The following AGBL1 variants were observed in gnomAD, a reference collection of about 807,000 sequenced individuals.
AGBL1 encodes the protein cytosolic carboxypeptidase 4.
AGBL1 carries 130 observed loss-of-function variants against 118.9 expected under a neutral mutation model. The ratio of observed to expected loss-of-function variants is 1.09; its 90% CI spans 0.95 to 1.26. The LOEUF (loss-of-function observed/expected upper bound fraction) is 1.26. AGBL1 is among the 50% of genes most tolerant of loss of function. The pLI, the probability that AGBL1 is intolerant of heterozygous loss-of-function variation, is 0.00. For missense variants in AGBL1, 1,584 were observed against 1,298.1 expected (o/e 1.22, Z -3.38); for synonymous variants, 555 against 478.9 (o/e 1.16, Z -2.08).
At chr15:86,516,324 T>C (rs2346736) in intron 18 of AGBL1, among the ~76,000 whole-genome samples, 23,386 of 152,180 alleles carry the variant, frequency 0.15, 2,937 homozygotes, top group African/African-American at 0.34. Flanking sequence ...GGAGGAAGGT[T>C]GTGCAGTTCC....
In AGBL1 at chr15:86,734,714, C is replaced by T. The variant is rs556584832; in HGVS notation, c.3158+60278C>T. ...CAGGAAAAATGAGGAGGAGACAACA[C>T]TGGCTCTTTCCATGATGAGGCCAGA... On this transcript the variant is annotated intron_variant, in intron 22 of 22. Coordinates refer to ENST00000614907, the MANE Select transcript of AGBL1 (RefSeq NM_001386094.1). Among the ~76,000 whole-genome samples the T allele has an allele frequency of 1.6e-4, 25 of 152,278 alleles. No homozygotes were observed. The South Asian group carries it at 4.1e-3, about 25-fold the overall frequency.
At chr15:86,654,306 A>AT (rs1222287589) in intron 21 of AGBL1, among the ~76,000 whole-genome samples, 1 of 151,834 alleles carries the variant, frequency 6.6e-6, no homozygotes, top group Non-Finnish European at 1.5e-5. Context: ...AGATCTTCCC[A>AT]TTTTTTTCAA....
At chr15:86,721,018 A>G (rs1371844576) in intron 22 of AGBL1, among the ~76,000 whole-genome samples, 1 of 152,146 alleles carries the variant, frequency 6.6e-6, no homozygotes, top group East Asian at 1.9e-4. Flanking sequence ...TAGCTTACCA[A>G]TCAAAAAAAG....
At chr15:86,461,362 C>T (rs1303533054) in intron 18 of AGBL1, among the ~76,000 whole-genome samples, 1 of 152,170 alleles carries the variant, frequency 6.6e-6, no homozygotes, top group Non-Finnish European at 1.5e-5. Context: ...CTCACCCAAA[C>T]TCTCTTTTCA....
chr15:86,726,716 C>T (rs1338293229), intron 22 of AGBL1, among the ~76,000 whole-genome samples: 1 of 152,124 alleles, frequency 6.6e-6, no homozygotes, highest in African/African-American at 2.4e-5. Context: ...CAGGCACCAC[C>T]ATGCCCAGCT....
chr15:86,552,176 A>C (rs2083672257), intron 20 of AGBL1, among the ~76,000 whole-genome samples: 1 of 152,188 alleles, frequency 6.6e-6, no homozygotes, highest in Non-Finnish European at 1.5e-5. Context: ...CAGCAGTTAC[A>C]ACAAACCTAC....
intron 1 of AGBL1, among the ~76,000 whole-genome samples, chr15:86,111,048 C>T (rs1020028140): frequency 1.3e-5 from 2 of 152,240 alleles, no homozygotes; most frequent in African/African-American, 4.8e-5. Context: ...GTCTGAATGA[C>T]TTACCCAGGC....
intron 22 of AGBL1, among the ~76,000 whole-genome samples, chr15:86,868,685 T>C (rs185058805): frequency 1.6e-4 from 25 of 152,352 alleles, no homozygotes; most frequent in African/African-American, 5.8e-4. Flanking sequence ...GGGAATTCAT[T>C]AAAGAGAAAA....
intron 18 of AGBL1, among the ~76,000 whole-genome samples, chr15:86,479,677 C>T (rs570098588): frequency 4.6e-5 from 7 of 152,260 alleles, no homozygotes; most frequent in South Asian, 4.2e-4. Context: ...GACAGTGTGG[C>T]GATTCTTCAA....
intron 16 of AGBL1, among the ~76,000 whole-genome samples, chr15:86,285,925 G>A (rs973509389): frequency 2.0e-5 from 3 of 151,996 alleles, no homozygotes; most frequent in Non-Finnish European, 4.4e-5. Flanking sequence ...ATACTGCTTG[G>A]TGGCTTCTAT....
chr15:86,381,973 G>A (rs2081118661), intron 17 of AGBL1, among the ~76,000 whole-genome samples: 1 of 152,182 alleles, frequency 6.6e-6, no homozygotes, highest in Non-Finnish European at 1.5e-5. Flanking sequence ...GGAGAGGACG[G>A]AAAATATCCA....
At chr15:86,722,176 CAA>C (rs1431403598) in intron 22 of AGBL1, among the ~76,000 whole-genome samples, 2 of 152,106 alleles carry the variant, frequency 1.3e-5, no homozygotes, top group African/African-American at 4.8e-5. Flanking sequence ...CATATGGAAC[CAA>C]AAGAGAGCCC....
At chr15:86,474,336 C>T (rs2082522817) in intron 18 of AGBL1, among the ~76,000 whole-genome samples, 1 of 152,208 alleles carries the variant, frequency 6.6e-6, no homozygotes, top group African/African-American at 2.4e-5. Flanking sequence ...CTAAGTGAAG[C>T]TGTGACAGAT....
intron 21 of AGBL1, among the ~76,000 whole-genome samples, chr15:86,642,856 CTATTTTATTT>C (rs947611099): frequency 6.6e-6 from 1 of 152,048 alleles, no homozygotes; most frequent in Non-Finnish European, 1.5e-5. Flanking sequence ...TTTAGGAGGA[CTATTTTATTT>C]TATTTTAATA....
At chr15:86,878,235 T>C (rs1277969392) in intron 22 of AGBL1, among the ~76,000 whole-genome samples, 1 of 152,230 alleles carries the variant, frequency 6.6e-6, no homozygotes, top group Non-Finnish European at 1.5e-5. Context: ...GACAAAGTTC[T>C]TCTGCAAAGA....
chr15:86,424,073 A>T (rs1438014638), intron 18 of AGBL1, among the ~76,000 whole-genome samples: 5 of 152,196 alleles, frequency 3.3e-5, no homozygotes, highest in African/African-American at 1.2e-4. Flanking sequence ...CATATAGCCA[A>T]GACAATCATA....
intron 18 of AGBL1, among the ~76,000 whole-genome samples, chr15:86,503,267 G>T (rs1371485604): frequency 6.6e-6 from 1 of 151,394 alleles, no homozygotes; most frequent in Non-Finnish European, 1.5e-5. Flanking sequence ...TACAGCCTCA[G>T]TAAGGTCATT....
chr15:86,499,627 C>A (rs961741497), intron 18 of AGBL1, among the ~76,000 whole-genome samples: 2 of 151,870 alleles, frequency 1.3e-5, no homozygotes, highest in Non-Finnish European at 2.9e-5. Context: ...GGTAATGCAT[C>A]CTCTACTAAT....
chr15:86,187,393 C>T (rs557275312), intron 5 of AGBL1, among the ~76,000 whole-genome samples: 1 of 152,318 alleles, frequency 6.6e-6, no homozygotes, highest in East Asian at 1.9e-4. Flanking sequence ...TGCCTCATCA[C>T]CTTCTCTGGG....
Sources: allele counts gnomAD v4.1 joint callset (sites outside exome capture counted in the v4.1 genomes callset), GRCh38; gene constraint gnomAD v4.1.1; transcripts MANE v1.5; gene names NCBI Gene and HGNC (gene_info 2026-07-23, HGNC 2026-07-21).